Variants in PDE12 observed in about 807,000 individuals in gnomAD.
PDE12 encodes the protein 2',5'-phosphodiesterase 12.
A neutral mutation model predicts 45.4 loss-of-function variants in PDE12; 26 were observed. That is an observed-to-expected ratio of 0.57 (90% CI 0.42 to 0.79). The LOEUF is 0.79. Among genes scored for constraint, PDE12 ranks in the 30% least tolerant of loss-of-function variants. PDE12 has a pLI of 0.00. For missense variants in PDE12, 668 were observed against 790.0 expected (o/e 0.85, Z 1.85); for synonymous variants, 283 against 323.9 (o/e 0.87, Z 1.36).
chr3:57,622,225 G>A, the PDE12 span, among the ~76,000 whole-genome samples: 4 of 152,042 alleles, frequency 2.6e-5, no homozygotes, highest in Non-Finnish European at 5.9e-5. Context: ...ACATTATAGA[G>A]AACTCTCAAG....
chr3:57,630,716 G>A, the PDE12 span: 214 of 1,611,398 alleles, frequency 1.3e-4, no homozygotes, highest in South Asian at 3.4e-4. Flanking sequence ...AAGACTAACC[G>A]GTAAAGTCCA....
the PDE12 span, among the ~76,000 whole-genome samples, chr3:57,641,926 C>T: frequency 6.6e-6 from 1 of 151,766 alleles, no homozygotes; most frequent in Admixed American, 6.6e-5. Flanking sequence ...CATAAAAAGA[C>T]GAAAGGACAC....
chr3:57,566,770 A>G lies in PDE12; in HGVS notation c.*6766A>G, dbSNP rs1415115034. ...TATATCTCTGGAGAAATGTCTTTTG[A>G]AATACTTTGCCCATTTAAAAATGTT... On this transcript the variant is annotated 3_prime_UTR_variant, in exon 3 of 3. Transcript: ENST00000311180. 1 of 152,122 alleles carries G rather than the reference A, an allele frequency of 6.6e-6. No individual in the cohort carries two copies. Among genetic ancestry groups the G allele is most frequent in the Non-Finnish European group, 1.5e-5 (1 of 68,018 alleles). 9.4% of individuals were successfully genotyped at this position (152,122 alleles called of 1,614,324 possible). A position where few individuals can be genotyped will look rare whatever the true frequency, so the allele number is the denominator to read the frequency against.
At chr3:57,584,480 A>G in the PDE12 span, 1 of 1,601,068 alleles carries the variant, frequency 6.2e-7, no homozygotes, top group Admixed American at 1.7e-5. Flanking sequence ...AGAAGACATT[A>G]TAGATTTAAA....
At chr3:57,600,321 G>A in the PDE12 span, among the ~76,000 whole-genome samples, 121 of 151,406 alleles carry the variant, frequency 8.0e-4, 1 homozygote, top group South Asian at 0.024. Context: ...CACTGTTCCC[G>A]GCCAAATTCT....
In PDE12 at chr3:57,566,037, C is replaced by G. The variant is rs1051589699; in HGVS notation, c.*6033C>G. 1 of 152,008 alleles carries G rather than the reference C, an allele frequency of 6.6e-6. No individual in the cohort carries two copies. The highest frequency in any genetic ancestry group is 1.5e-5 in the Non-Finnish European group (1 of 68,024). 9.4% of individuals were successfully genotyped at this position (152,008 alleles called of 1,614,324 possible). On this transcript the variant is annotated 3_prime_UTR_variant, in exon 3 of 3. Coordinates refer to ENST00000311180, the MANE Select transcript of PDE12 (RefSeq NM_177966.7). ...TCTATTATAAATAATGGAATCAGGCCAGCACAGTGGCTCACGTCACATAAT... is the reference window on the plus strand; with the variant it reads ...TCTATTATAAATAATGGAATCAGGCGAGCACAGTGGCTCACGTCACATAAT...
chr3:57,630,343 A>C, the PDE12 span: 1 of 1,285,242 alleles, frequency 7.8e-7, no homozygotes, highest in Non-Finnish European at 1.1e-6. Flanking sequence ...GATAAAGGGT[A>C]CAATCTTCAA....
chr3:57,561,657 A>C lies in PDE12; in HGVS notation c.*1653A>C. ...TTTAATTAATAGCTCGAGTATTAAAAGCCCACTCCCTTCAAGAAAAGCTTT... is the reference window on the plus strand; with the variant it reads ...TTTAATTAATAGCTCGAGTATTAAACGCCCACTCCCTTCAAGAAAAGCTTT... On this transcript the variant is annotated 3_prime_UTR_variant, in exon 3 of 3. Transcript: ENST00000311180. 1.0e-6 allele frequency: 1 copy of C among 985,076 alleles called. No individual in the cohort carries two copies. The highest frequency in any genetic ancestry group is 1.2e-6 in the Non-Finnish European group (1 of 829,610). The allele number at this position is 985,076 out of a possible 1,614,324, so 61.0% of individuals were successfully genotyped here.
chr3:57,575,710 C>A, the PDE12 span: 1 of 1,564,986 alleles, frequency 6.4e-7, no homozygotes, highest in South Asian at 1.2e-5. Context: ...AACTACCAAC[C>A]GGAATCCAAT....
chr3:57,636,414 A>G, the PDE12 span, among the ~76,000 whole-genome samples: 2 of 152,230 alleles, frequency 1.3e-5, no homozygotes, highest in Non-Finnish European at 2.9e-5. Flanking sequence ...TATTAAGTAA[A>G]TGCAAGATAC....
chr3:57,647,825 C>A, the PDE12 span, among the ~76,000 whole-genome samples: 1 of 145,138 alleles, frequency 6.9e-6, no homozygotes, highest in Admixed American at 7.1e-5. Context: ...GACAGAGTAA[C>A]CTGAATGAGA....
the PDE12 span, among the ~76,000 whole-genome samples, chr3:57,573,665 C>G: frequency 1.1e-3 from 172 of 152,088 alleles, no homozygotes; most frequent in African/African-American, 3.9e-3. Flanking sequence ...ACTACAACCT[C>G]CGCCTCACAG....
chr3:57,585,562 A>C, the PDE12 span, among the ~76,000 whole-genome samples: 1 of 152,160 alleles, frequency 6.6e-6, no homozygotes, highest in African/African-American at 2.4e-5. Context: ...ACATGTATAC[A>C]TATGTAACAA....
At chr3:57,634,446 A>C in the PDE12 span, 1 of 563,010 alleles carries the variant, frequency 1.8e-6, no homozygotes, top group East Asian at 3.8e-5. Flanking sequence ...AAAAAAAAAA[A>C]AAAAAGGAGA....
chr3:57,637,120 A>T, the PDE12 span, among the ~76,000 whole-genome samples: 1 of 152,278 alleles, frequency 6.6e-6, no homozygotes, highest in East Asian at 1.9e-4. Flanking sequence ...TACTGCACAA[A>T]TTATCACATT....
chr3:57,608,083 C>T, the PDE12 span, among the ~76,000 whole-genome samples: 1 of 152,142 alleles, frequency 6.6e-6, no homozygotes, highest in Admixed American at 6.5e-5. Flanking sequence ...GGCCAATATT[C>T]AACATTCTCA....
chr3:57,585,534 G>A, the PDE12 span, among the ~76,000 whole-genome samples: 1 of 152,110 alleles, frequency 6.6e-6, no homozygotes, highest in Admixed American at 6.6e-5. Context: ...GTTAATGGGT[G>A]CAGCACACCA....
At chr3:57,600,320 C>T in the PDE12 span, among the ~76,000 whole-genome samples, 5 of 152,068 alleles carry the variant, frequency 3.3e-5, no homozygotes, top group South Asian at 2.1e-4. Flanking sequence ...CCACTGTTCC[C>T]GGCCAAATTC....
chr3:57,587,319 C>CAAA, the PDE12 span, among the ~76,000 whole-genome samples: 1,277 of 45,278 alleles, frequency 0.028, 32 homozygotes, highest in Non-Finnish European at 0.046. Context: ...AACTCAGTCT[C>CAAA]AAAAAAAAAA....
Sources: allele counts gnomAD v4.1 joint callset (sites outside exome capture counted in the v4.1 genomes callset), GRCh38; gene constraint gnomAD v4.1.1; transcripts MANE v1.5; gene names NCBI Gene and HGNC (gene_info 2026-07-23, HGNC 2026-07-21).